SNAP91: variants seen among roughly 807,000 people sequenced by gnomAD.
SNAP91 encodes the protein clathrin coat assembly protein AP180.
Under a neutral mutation model 100.3 loss-of-function variants are expected in SNAP91, and 27 were observed. That is an observed-to-expected ratio of 0.27 (90% confidence interval 0.20 to 0.37). SNAP91 has a LOEUF of 0.37. Among genes scored for constraint, SNAP91 ranks in the 10% least tolerant of loss-of-function variants. SNAP91 has a pLI of 1.00. For synonymous variants in SNAP91, 404 were observed against 398.6 expected (o/e 1.01, Z -0.16); for missense variants, 986 against 1,123.7 (o/e 0.88, Z 1.75).
At chr6:83,577,012 G>C (rs182380203) in intron 24 of SNAP91, among the ~76,000 whole-genome samples, 2 of 152,278 alleles carry the variant, frequency 1.3e-5, no homozygotes, top group Admixed American at 1.3e-4. Flanking sequence ...AATTATACAG[G>C]CTGCTAGAAG....
chr6:83,663,554 G>A (rs1249246317), intron 3 of SNAP91, among the ~76,000 whole-genome samples: 1 of 152,126 alleles, frequency 6.6e-6, no homozygotes, highest in Non-Finnish European at 1.5e-5. Flanking sequence ...CTAATTCAGA[G>A]CAAGGCCTCA....
chr6:83,601,505 C>T (rs1038416107), intron 15 of SNAP91, 67 bp from the exon 16 acceptor site: 3 of 1,611,076 alleles, frequency 1.9e-6, no homozygotes, highest in Non-Finnish European at 2.5e-6. Flanking sequence ...ATATACCAGA[C>T]TCCAAATGAT....
At position 83,660,428 on chromosome 6, in the gene SNAP91, A is replaced by G. The variant is rs139690118; in HGVS notation, c.452+1074T>C. The stretch of plus-strand genomic sequence containing the variant: ...GGTCAGGTTAGCCATTGCAAAAATA[A>G]AGTTACATCTTTTTGTGTGGATTCT... On this transcript the variant is annotated intron_variant, in intron 5 of 29. Coordinates refer to ENST00000369694, the MANE Select transcript of SNAP91 (RefSeq NM_001242792.2). Among the ~76,000 whole-genome samples the G allele has an allele frequency of 1.8e-3, 275 of 152,338 alleles. 1 individual carries two copies. Among genetic ancestry groups the G allele is most frequent in the African/African-American group, 5.7e-3 (239 of 41,580 alleles).
chr6:83,621,462 C>T (rs532985675), intron 9 of SNAP91, among the ~76,000 whole-genome samples: 1 of 152,120 alleles, frequency 6.6e-6, no homozygotes, highest in East Asian at 1.9e-4. Context: ...AGACCCAGGG[C>T]AAGATTTTAC....
intron 23 of SNAP91, 129 bp downstream of exon 23, chr6:83,582,093 C>T (rs1044475121): frequency 2.6e-5 from 25 of 977,396 alleles, no homozygotes; most frequent in South Asian, 6.7e-5. Context: ...GATTTATTAA[C>T]GTTTTATAAA....
At chr6:83,692,153 A>G (rs146137627) in intron 2 of SNAP91, among the ~76,000 whole-genome samples, 6 of 152,316 alleles carry the variant, frequency 3.9e-5, no homozygotes, top group African/African-American at 1.4e-4. Context: ...AAGAACTATT[A>G]GATTCTGAAA....
In SNAP91 at chr6:83,675,104, G is replaced by A. The variant is rs2098842400; in HGVS notation, c.131-9523C>T. ...GGAGGGGAAAACAAGAATAAGAAGTGATAACCTTTAATTGCTAACTGTAGA... is the reference window on the plus strand; with the variant it reads ...GGAGGGGAAAACAAGAATAAGAAGTAATAACCTTTAATTGCTAACTGTAGA... On this transcript the variant is annotated intron_variant, in intron 2 of 29. Transcript: ENST00000369694. Among the ~76,000 whole-genome samples the A allele has an allele frequency of 2.0e-5, 3 of 152,248 alleles. No homozygotes were observed. The South Asian group carries it at 6.2e-4, about 32-fold the overall frequency.
chr6:83,636,839 T>C (rs1427548380), intron 8 of SNAP91, among the ~76,000 whole-genome samples: 2 of 152,328 alleles, frequency 1.3e-5, no homozygotes, highest in African/African-American at 2.4e-5. Flanking sequence ...GGGCTTTTTG[T>C]TTTTACATTC....
intron 2 of SNAP91, among the ~76,000 whole-genome samples, chr6:83,696,974 T>C (rs1365944860): frequency 2.6e-5 from 4 of 152,224 alleles, no homozygotes; most frequent in Non-Finnish European, 5.9e-5. Flanking sequence ...AAGCAATTTC[T>C]AATTTTTCCA....
At chr6:83,630,588 A>G (rs969849001) in intron 8 of SNAP91, among the ~76,000 whole-genome samples, 1 of 151,892 alleles carries the variant, frequency 6.6e-6, no homozygotes, top group Non-Finnish European at 1.5e-5. Flanking sequence ...ATCTTTCCAG[A>G]AATTAATCCA....
Position 83,659,528 on chromosome 6 carries a change from G to C in SNAP91, c.453-436C>G, listed in dbSNP as rs555655565. 1.1e-4 allele frequency among the ~76,000 whole-genome samples: 16 copies of C among 149,770 alleles called. 1 individual carries two copies. Among genetic ancestry groups the C allele is most frequent in the Admixed American group, 9.4e-4 (14 of 14,934 alleles). The stretch of plus-strand genomic sequence containing the variant: ...TAATCTCAAACTCCTGGGCACAAGT[G>C]ATTCTCCTGCCTCAGCCTCATGAGT... On this transcript the variant is annotated intron_variant, in intron 5 of 29. Transcript: ENST00000369694.
intron 26 of SNAP91, 54 bp downstream of exon 26, chr6:83,574,956 C>T (rs1656201353): frequency 8.3e-7 from 1 of 1,198,638 alleles, no homozygotes; most frequent in African/African-American, 1.5e-5. Context: ...CTACTTTACA[C>T]ACTTGGAAAC....
At chr6:83,694,675 T>C (rs1318474979) in intron 2 of SNAP91, among the ~76,000 whole-genome samples, 2 of 152,142 alleles carry the variant, frequency 1.3e-5, no homozygotes, top group African/African-American at 4.8e-5. Flanking sequence ...TCTTCAAGAA[T>C]GGAATAGGTA....
intron 8 of SNAP91, among the ~76,000 whole-genome samples, chr6:83,639,271 C>T (rs910054543): frequency 6.6e-6 from 1 of 152,200 alleles, no homozygotes; most frequent in East Asian, 1.9e-4. Context: ...GAGATTTGTA[C>T]ATTGGTTGAA....
At chr6:83,629,715 A>C (rs1299608951) in intron 8 of SNAP91, among the ~76,000 whole-genome samples, 1 of 151,936 alleles carries the variant, frequency 6.6e-6, no homozygotes, top group Non-Finnish European at 1.5e-5. Context: ...GTATCCAGAA[A>C]ATTTGTTGCA....
chr6:83,593,344 T>G, intron 18 of SNAP91, 85 bp from the exon 19 acceptor site: 1 of 1,515,570 alleles, frequency 6.6e-7, no homozygotes. Context: ...ATTAGCACTT[T>G]GAAGAACTCT....
At chr6:83,688,543 TGC>T (rs1021713963) in intron 2 of SNAP91, among the ~76,000 whole-genome samples, 164 of 151,360 alleles carry the variant, frequency 1.1e-3, no homozygotes, top group African/African-American at 3.8e-3. Context: ...CTTGCTCTGT[TGC>T]CAGGCTGGAG....
chr6:83,601,011 G>A (rs1222013437), intron 16 of SNAP91, among the ~76,000 whole-genome samples: 2 of 152,100 alleles, frequency 1.3e-5, no homozygotes, highest in African/African-American at 4.8e-5. Context: ...AGTTCTGAAG[G>A]TAGCAACATG....
chr6:83,593,383 A>G, intron 18 of SNAP91, 95 bp downstream of exon 18: 1 of 1,519,600 alleles, frequency 6.6e-7, no homozygotes, highest in Non-Finnish European at 8.9e-7. Flanking sequence ...TTTCTAGAGA[A>G]CCATTTAATT....
Sources: gnomAD v4.1 joint callset for allele counts (sites outside exome capture counted in the v4.1 genomes callset) on GRCh38, gnomAD v4.1.1 for gene constraint, MANE v1.5 for transcripts, NCBI Gene and HGNC (gene_info 2026-07-23, HGNC 2026-07-21) for gene names.